CEACAM3: variants seen among roughly 807,000 people sequenced by gnomAD.
CEACAM3 encodes the protein CEA cell adhesion molecule 3, also known as cell adhesion molecule CEACAM3.
Under a neutral mutation model 30.1 loss-of-function variants are expected in CEACAM3, and 32 were observed. The ratio of observed to expected loss-of-function variants is 1.06; its 90% CI spans 0.80 to 1.43. CEACAM3 has a LOEUF of 1.43. Ranked by LOEUF, CEACAM3 falls within the 40% of genes most tolerant of loss-of-function variation. The pLI is 0.00. For synonymous variants in CEACAM3, 134 were observed against 127.2 expected (o/e 1.05, Z -0.36); for missense variants, 290 against 316.3 (o/e 0.92, Z 0.63).
chr19:41,799,313 C>T lies in CEACAM3; in HGVS notation c.424+1365C>T, dbSNP rs374252627. Among the ~76,000 whole-genome samples the T allele has an allele frequency of 2.9e-4, 44 of 152,116 alleles. No homozygotes were observed. The East Asian group carries it at 6.2e-3, about 21-fold the overall frequency. On this transcript the variant is annotated intron_variant, in intron 2 of 6. Coordinates refer to ENST00000357396, the MANE Select transcript of CEACAM3 (RefSeq NM_001815.5). ...GATCTGGTTCTTTAAAAGTGTGTGG[C>T]GCCTCCACACTCTCTCTTGCTCCTG...
intron 3 of CEACAM3, 27 bp downstream of exon 3, chr19:41,808,957 C>T (rs372519365): frequency 3.5e-4 from 520 of 1,496,228 alleles, no homozygotes; most frequent in Non-Finnish European, 4.3e-4. Flanking sequence ...CCATCCTTCT[C>T]CCACCCCCTA....
chr19:41,805,715 T>C (rs903359608), intron 2 of CEACAM3, among the ~76,000 whole-genome samples: 18 of 152,210 alleles, frequency 1.2e-4, no homozygotes, highest in African/African-American at 4.3e-4. Context: ...GGAGAAAATA[T>C]TTGCAAAGAT....
At chr19:41,810,708 G>C (rs1218370755) in intron 5 of CEACAM3, 124 bp from the exon 6 acceptor site, 5 of 922,802 alleles carry the variant, frequency 5.4e-6, no homozygotes, top group Non-Finnish European at 8.7e-6. Flanking sequence ...GCTGAGCTCA[G>C]GGGCAGAGCT....
At chr19:41,796,823 A>C in intron 1 of CEACAM3, 82 bp downstream of exon 1, 1 of 1,451,568 alleles carries the variant, frequency 6.9e-7, no homozygotes, top group African/African-American at 1.4e-5. Flanking sequence ...TGGGGCTCTG[A>C]TAGGGGACAG....
intron 3 of CEACAM3, chr19:41,809,469 C>T (rs1555827290): frequency 6.1e-6 from 1 of 163,698 alleles, no homozygotes; most frequent in Non-Finnish European, 1.3e-5. Flanking sequence ...CCTGGAGCGT[C>T]CTTTGTGTCT....
At chr19:41,801,373 C>A (rs1446083938) in intron 2 of CEACAM3, among the ~76,000 whole-genome samples, 2 of 152,186 alleles carry the variant, frequency 1.3e-5, no homozygotes, top group Non-Finnish European at 2.9e-5. Flanking sequence ...GGGCTCTTTC[C>A]CTTCTTGAGG....
chr19:41,798,530 C>T (rs2073122187), intron 2 of CEACAM3, among the ~76,000 whole-genome samples: 1 of 152,234 alleles, frequency 6.6e-6, no homozygotes, highest in Non-Finnish European at 1.5e-5. Context: ...TGGGCAAGGA[C>T]AGGGCCTCAT....
At chr19:41,803,455 TG>T (rs2073168474) in intron 2 of CEACAM3, among the ~76,000 whole-genome samples, 7 of 65,132 alleles carry the variant, frequency 1.1e-4, no homozygotes, top group Non-Finnish European at 2.5e-4. Flanking sequence ...TGTGTGTGTG[TG>T]TGTTGTTTTG....
At chr19:41,809,757 G>C in intron 3 of CEACAM3, 1 of 554,824 alleles carries the variant, frequency 1.8e-6, no homozygotes, top group Non-Finnish European at 3.3e-6. Flanking sequence ...CTGCCTGAGG[G>C]TCCTTCCCCT....
chr19:41,796,797 G>A, intron 1 of CEACAM3, 56 bp downstream of exon 1: 2 of 1,559,248 alleles, frequency 1.3e-6, no homozygotes, highest in Non-Finnish European at 1.7e-6. Flanking sequence ...GAATGGCTGG[G>A]GTCTCCTGGG....
In CEACAM3 at chr19:41,805,720, A is replaced by C. The variant is rs190558306; in HGVS notation, c.425-3093A>C. ...ATCTCCAATGGGAGAAAATATTTGC[A>C]AAGATTCTTCCCAAATGTCTCTCTC... On this transcript the variant is annotated intron_variant, in intron 2 of 6. Transcript: ENST00000357396. Among the ~76,000 whole-genome samples the C allele has an allele frequency of 3.3e-5, 5 of 152,342 alleles. No homozygotes were observed. The East Asian group carries it at 9.6e-4, about 29-fold the overall frequency.
chr19:41,809,437 C>A (rs969200456), intron 3 of CEACAM3: 36 of 162,324 alleles, frequency 2.2e-4, no homozygotes, highest in African/African-American at 8.6e-4. Context: ...GATGGGAGAA[C>A]CTGGGCCTCA....
chr19:41,808,890 G>T lies in CEACAM3; in HGVS notation c.502G>T (p.Ala168Ser). ...TGVLVGVALV[A>S]ALVCFLLLAK... is the part of the protein sequence containing the mutation. ...GGTCCTGGTCGGAGTGGCGCTGGTG[G>T]CCGCGCTGGTGTGTTTCCTGCTCCT... The change falls in exon 3 of 7, where the codon GCC becomes TCC. Residue 168 changes from alanine (A) to serine (S), a missense_variant. Physicochemically the swap from Ala to Ser is moderately conservative, Grantham distance 99. Transcript: ENST00000357396. The T allele has an allele frequency of 2.5e-6, 4 of 1,607,870 alleles. No homozygotes were observed. The highest frequency in any genetic ancestry group is 3.4e-6 in the Non-Finnish European group (4 of 1,177,094).
intron 2 of CEACAM3, among the ~76,000 whole-genome samples, chr19:41,798,774 C>T (rs1261149588): frequency 6.6e-6 from 1 of 152,184 alleles, no homozygotes; most frequent in Non-Finnish European, 1.5e-5. Context: ...CTCCTCTATA[C>T]ACAGCTGAGG....
At chr19:41,808,687 A>G in intron 2 of CEACAM3, 126 bp from the exon 3 acceptor site, 1 of 738,986 alleles carries the variant, frequency 1.4e-6, no homozygotes. Flanking sequence ...GGACAACACA[A>G]GAGACTACAC....
chr19:41,808,878 G>A lies in CEACAM3; in HGVS notation c.490G>A (p.Val164Met). The A allele has an allele frequency of 1.2e-6, 2 of 1,609,440 alleles. No individual in the cohort carries two copies. Among genetic ancestry groups the A allele is most frequent in the South Asian group, 1.1e-5 (1 of 90,752 alleles). Reference sequence around the variant, plus strand: ...CATCGTGACCGGGGTCCTGGTCGGAGTGGCGCTGGTGGCCGCGCTGGTGTG... The same window carrying A: ...CATCGTGACCGGGGTCCTGGTCGGAATGGCGCTGGTGGCCGCGCTGGTGTG... ...AGIVTGVLVGVALVAALVCFL... is the reference protein window; with the variant it reads ...AGIVTGVLVGMALVAALVCFL... The change falls in exon 3 of 7, where the codon GTG (valine) becomes ATG (methionine). Residue 164 changes from valine to methionine, a missense_variant. Coordinates refer to ENST00000357396, the MANE Select transcript of CEACAM3 (RefSeq NM_001815.5).
chr19:41,808,649 C>T (rs2073222612), intron 2 of CEACAM3, among the ~76,000 whole-genome samples, 164 bp from the exon 3 acceptor site: 1 of 152,316 alleles, frequency 6.6e-6, no homozygotes, highest in South Asian at 2.1e-4. Context: ...AATGGTGCCA[C>T]CATGGAAAGC....
Position 41,797,682 on chromosome 19 carries a change from T to C in CEACAM3, c.158T>C (p.Leu53Pro). Residue 53 changes from leucine (L) to proline (P), a missense_variant, in exon 2 of 7, where the codon CTA becomes CCA. Physicochemically the swap from Leu to Pro is moderately conservative, Grantham distance 98 (BLOSUM62 -3). Coordinates refer to ENST00000357396, the MANE Select transcript of CEACAM3 (RefSeq NM_001815.5). Reference sequence around the variant, plus strand: ...GTCGCAGAGGGGAAGGAGGTGCTTCTACTTGTCCACAATCTGCCCCAGCAT... The same window carrying C: ...GTCGCAGAGGGGAAGGAGGTGCTTCCACTTGTCCACAATCTGCCCCAGCAT... ...LSVAEGKEVL[L>P]LVHNLPQHLF... 1.2e-6 allele frequency: 2 copies of C among 1,614,150 alleles called. No individual in the cohort carries two copies. Among genetic ancestry groups the C allele is most frequent in the South Asian group, 1.1e-5 (1 of 91,078 alleles).
intron 2 of CEACAM3, among the ~76,000 whole-genome samples, chr19:41,805,628 G>C (rs782595800): frequency 5.9e-5 from 9 of 152,088 alleles, no homozygotes; most frequent in Non-Finnish European, 1.3e-4. Context: ...GACTACTCTA[G>C]GGACCTCGTA....
Sources: allele counts gnomAD v4.1 joint callset (sites outside exome capture counted in the v4.1 genomes callset), GRCh38; gene constraint gnomAD v4.1.1; transcripts MANE v1.5; gene names NCBI Gene and HGNC (gene_info 2026-07-23, HGNC 2026-07-21).